MYO16: variants seen among roughly 807,000 people sequenced by gnomAD.
MYO16 encodes the protein myosin XVI.
MYO16 carries 94 observed loss-of-function variants against 205.3 expected under a neutral mutation model. That is an observed-to-expected ratio of 0.46 (90% CI 0.39 to 0.54). The LOEUF (loss-of-function observed/expected upper bound fraction) is 0.54, where lower values mean the gene tolerates loss of function less well. Ranked by LOEUF, MYO16 falls within the 20% of genes least tolerant of loss-of-function variation. The pLI, the probability that MYO16 is intolerant of heterozygous loss-of-function variation, is 0.00. For missense variants in MYO16, 2,315 were observed against 2,387.5 expected (o/e 0.97, Z 0.63); for synonymous variants, 988 against 954.0 (o/e 1.04, Z -0.66).
rs147905535 is a variant in MYO16, at chr13:109,100,851, A to T, written c.3402A>T (p.Arg1134=). The T allele has an allele frequency of 1.5e-5, 24 of 1,613,680 alleles. No individual in the cohort carries two copies. The African/African-American group carries it at 2.7e-4, about 18-fold the overall frequency. The change falls in exon 28 of 35, where the codon CGA becomes CGT. Residue 1134 remains arginine, a synonymous_variant. Coordinates refer to ENST00000457511, the MANE Select transcript of MYO16 (RefSeq NM_001198950.3). ...AACAGTCAGCTGCCGAGCGATGTCG[A>T]CTTGTTCTCCAGCAGTGTAAATTAC... ...KKEQSAAERC[R]LVLQQCKLQG...
At chr13:108,501,357 G>C in the MYO16 span, among the ~76,000 whole-genome samples, 3 of 152,116 alleles carry the variant, frequency 2.0e-5, no homozygotes, top group South Asian at 2.1e-4. Flanking sequence ...TATCTCACCT[G>C]TTATCGTATC....
chr13:108,983,572 A>G (rs1313776024), intron 20 of MYO16, among the ~76,000 whole-genome samples: 1 of 152,196 alleles, frequency 6.6e-6, no homozygotes, highest in Non-Finnish European at 1.5e-5. Flanking sequence ...CTATTTAAAA[A>G]TATTTAGGAA....
At chr13:109,156,444 G>A (rs1384869683) in intron 32 of MYO16, among the ~76,000 whole-genome samples, 1 of 152,160 alleles carries the variant, frequency 6.6e-6, no homozygotes. Context: ...TATGAGTAAT[G>A]AGTTTAAAAT....
At chr13:108,814,870 A>G (rs542985366) in intron 7 of MYO16, among the ~76,000 whole-genome samples, 71 of 152,356 alleles carry the variant, frequency 4.7e-4, no homozygotes, top group African/African-American at 1.6e-3. Context: ...AAAATGTTAC[A>G]AACGCAAACA....
In MYO16 at chr13:108,926,554, A is replaced by C. The variant is rs12584647; in HGVS notation, c.1925+16404A>C. ...AGGGGTCGGGAGCCAGCCAGAGAGA[A>C]ACGAACACACAGGACTCTCCCGAGG... On this transcript the variant is annotated intron_variant, in intron 16 of 34. Coordinates refer to ENST00000457511, the MANE Select transcript of MYO16 (RefSeq NM_001198950.3). Among the ~76,000 whole-genome samples the C allele has an allele frequency of 1.8e-3, 274 of 152,204 alleles. 5 individuals are homozygous for C. In the East Asian group the frequency reaches 0.036, roughly 20 times the overall value.
At chr13:108,720,996 A>G (rs183951872) in intron 3 of MYO16, among the ~76,000 whole-genome samples, 217 of 150,938 alleles carry the variant, frequency 1.4e-3, no homozygotes, top group Non-Finnish European at 1.4e-3. Context: ...AAGACAGCAG[A>G]AAAAAAAAAT....
intron 16 of MYO16, among the ~76,000 whole-genome samples, chr13:108,930,118 A>G (rs896724324): frequency 1.2e-4 from 18 of 152,204 alleles, no homozygotes; most frequent in Non-Finnish European, 2.1e-4. Flanking sequence ...GACTGAAAGC[A>G]TATTGCAAAA....
At chr13:109,066,004 T>C (rs1470514927) in intron 27 of MYO16, among the ~76,000 whole-genome samples, 1 of 152,154 alleles carries the variant, frequency 6.6e-6, no homozygotes, top group African/African-American at 2.4e-5. Flanking sequence ...TTTTAGATTG[T>C]TACTGGATGA....
Position 108,712,729 on chromosome 13 carries a change from C to A in MYO16, c.361C>A (p.Leu121Met). Residue 121 changes from leucine (L) to methionine (M), a missense_variant and splice_region_variant, in exon 3 of 35, where the codon CTG (leucine) becomes ATG (methionine). Physicochemically the swap from Leu to Met is conservative, Grantham distance 15. Coordinates refer to ENST00000457511, the MANE Select transcript of MYO16 (RefSeq NM_001198950.3). ...CTCCTCGGGAGGGTCCCTGCTCCATCTGGTAAGAACCGCGACAGTCAGTGC... is the reference window on the plus strand; with the variant it reads ...CTCCTCGGGAGGGTCCCTGCTCCATATGGTAAGAACCGCGACAGTCAGTGC... The part of the protein sequence containing the change: ...LVSSGGSLLH[L>M]CARYDNAFIA... The A allele has an allele frequency of 6.2e-7, 1 of 1,612,396 alleles. No individual in the cohort carries two copies. The highest frequency in any genetic ancestry group is 8.5e-7 in the Non-Finnish European group (1 of 1,179,356).
chr13:108,682,081 G>A (rs959661440), intron 2 of MYO16, among the ~76,000 whole-genome samples: 1 of 152,204 alleles, frequency 6.6e-6, no homozygotes, highest in Non-Finnish European at 1.5e-5. Flanking sequence ...TCCAATTTGA[G>A]TTAGATTCTA....
At chr13:108,859,394 G>A (rs113422578) in intron 11 of MYO16, among the ~76,000 whole-genome samples, 53 of 152,192 alleles carry the variant, frequency 3.5e-4, no homozygotes, top group African/African-American at 1.2e-3. Flanking sequence ...ACTGAGGGTT[G>A]AGCAATGATT....
intron 16 of MYO16, among the ~76,000 whole-genome samples, chr13:108,917,613 A>G (rs1477850547): frequency 2.0e-5 from 3 of 152,194 alleles, no homozygotes; most frequent in Admixed American, 6.5e-5. Context: ...GTATTTCCAC[A>G]TGACTTTGAT....
At chr13:108,768,125 C>T (rs977328283) in intron 4 of MYO16, among the ~76,000 whole-genome samples, 8 of 152,158 alleles carry the variant, frequency 5.3e-5, no homozygotes, top group Non-Finnish European at 7.3e-5. Context: ...GACTCCAAGC[C>T]TTATTCCTTT....
At chr13:108,832,419 G>A (rs904356640) in intron 9 of MYO16, among the ~76,000 whole-genome samples, 3 of 152,056 alleles carry the variant, frequency 2.0e-5, no homozygotes, top group African/African-American at 7.2e-5. Context: ...TAGGATTACA[G>A]GCGTGAGCCA....
At chr13:109,176,004 G>A (rs568982438) in intron 33 of MYO16, among the ~76,000 whole-genome samples, 2 of 152,126 alleles carry the variant, frequency 1.3e-5, no homozygotes, top group African/African-American at 4.8e-5. Flanking sequence ...AACATTTACA[G>A]CTGAAATGAC....
intron 4 of MYO16, among the ~76,000 whole-genome samples, chr13:108,779,063 C>T (rs1886217004): frequency 6.6e-6 from 1 of 152,222 alleles, no homozygotes; most frequent in Admixed American, 6.5e-5. Flanking sequence ...TCCCAAGACA[C>T]TTGCTTCAGT....
At chr13:108,721,659 G>C (rs1884168433) in intron 3 of MYO16, among the ~76,000 whole-genome samples, 1 of 152,222 alleles carries the variant, frequency 6.6e-6, no homozygotes, top group Non-Finnish European at 1.5e-5. Flanking sequence ...GTAAATCTTA[G>C]AAAGAAGCAC....
At chr13:108,645,167 G>A (rs1478827825) in intron 1 of MYO16, among the ~76,000 whole-genome samples, 1 of 152,112 alleles carries the variant, frequency 6.6e-6, no homozygotes, top group Non-Finnish European at 1.5e-5. Flanking sequence ...GGAACATCAG[G>A]CCAAGACTGA....
intron 4 of MYO16, among the ~76,000 whole-genome samples, chr13:108,744,170 C>T (rs1327119463): frequency 6.6e-6 from 1 of 152,192 alleles, no homozygotes; most frequent in Admixed American, 6.5e-5. Context: ...CCTTTGACTG[C>T]ACTGAGAAAA....
Sources: gnomAD v4.1 joint callset for allele counts (sites outside exome capture counted in the v4.1 genomes callset) on GRCh38, gnomAD v4.1.1 for gene constraint, MANE v1.5 for transcripts, NCBI Gene and HGNC (gene_info 2026-07-23, HGNC 2026-07-21) for gene names.